The following GLYATL3 variants were observed in gnomAD, a reference collection of about 807,000 sequenced individuals.
The protein encoded by GLYATL3 is glycine N-acyltransferase-like protein 3.
In GLYATL3, 31 loss-of-function variants were observed where a neutral mutation model predicts 28.5. The ratio of observed to expected loss-of-function variants is 1.09; its 90% confidence interval spans 0.82 to 1.47. The LOEUF (loss-of-function observed/expected upper bound fraction) is 1.47. Among genes scored for constraint, GLYATL3 ranks in the 40% most tolerant of loss-of-function variants. GLYATL3 has a pLI of 0.00. For missense variants in GLYATL3, 369 were observed against 351.5 expected (o/e 1.05, Z -0.40); for synonymous variants, 141 against 140.2 (o/e 1.01, Z -0.04).
At chr6:49,518,188 T>C (rs1452127528) in intron 4 of GLYATL3, among the ~76,000 whole-genome samples, 2 of 151,590 alleles carry the variant, frequency 1.3e-5, no homozygotes, top group Non-Finnish European at 2.9e-5. Flanking sequence ...GGCCCTTTTT[T>C]GTTGTTGTTG....
chr6:49,500,678 C>G (rs1222744800), intron 1 of GLYATL3, among the ~76,000 whole-genome samples: 1 of 152,120 alleles, frequency 6.6e-6, no homozygotes, highest in Admixed American at 6.5e-5. Context: ...AACAGTGAGT[C>G]TATTGGTTAT....
At position 49,526,838 on chromosome 6, in the gene GLYATL3, A is replaced by G. The variant is rs920880168; in HGVS notation, c.791A>G (p.His264Arg). The G allele has an allele frequency of 3.9e-6, 6 of 1,551,986 alleles. No individual in the cohort carries two copies. In the African/African-American group the frequency reaches 5.5e-5, roughly 14 times the overall value. The change falls in exon 6 of 6, where the codon CAT becomes CGT. Residue 264 changes from histidine to arginine, a missense_variant. Coordinates refer to ENST00000371197, the MANE Select transcript of GLYATL3 (RefSeq NM_001010904.2). Reference protein sequence around the residue: ...TASISLLKSLHAEFLPCRFHR... With the variant: ...TASISLLKSLRAEFLPCRFHR... The stretch of plus-strand genomic sequence containing the variant: ...TCTATAAGCCTCCTGAAGAGTCTCC[A>G]TGCTGAGTTCTTGCCTTGTCGCTTC...
At chr6:49,521,326 G>T (rs1769312488) in intron 4 of GLYATL3, among the ~76,000 whole-genome samples, 1 of 152,080 alleles carries the variant, frequency 6.6e-6, no homozygotes, top group Non-Finnish European at 1.5e-5. Flanking sequence ...GGAGCTTAAG[G>T]TTAGTCCGAG....
Position 49,527,154 on chromosome 6 carries a change from G to T in GLYATL3, c.*240G>T, listed in dbSNP as rs1182842749. 17 of 480,490 alleles carry T rather than the reference G, an allele frequency of 3.5e-5. No homozygotes were observed. The allele number at this position is 480,490 out of a possible 1,614,324, so 29.8% of individuals were successfully genotyped here. A position where few individuals can be genotyped will look rare whatever the true frequency, so the allele number is the denominator to read the frequency against. Reference sequence around the variant, plus strand: ...GAAGACTGAGGACGATTGTCCTCCTGTAGGATCCACTGTAGGAGAATAGGT... The same window carrying T: ...GAAGACTGAGGACGATTGTCCTCCTTTAGGATCCACTGTAGGAGAATAGGT... On this transcript the variant is annotated 3_prime_UTR_variant, in exon 6 of 6. Transcript: ENST00000371197.
At position 49,512,028 on chromosome 6, in the gene GLYATL3, T is replaced by C. The variant is rs560399915; in HGVS notation, c.38T>C (p.Leu13Pro). 3.9e-4 allele frequency: 580 copies of C among 1,505,906 alleles called. 1 individual carries two copies. The highest frequency in any genetic ancestry group is 4.7e-4 in the Non-Finnish European group (526 of 1,107,730). The allele number at this position is 1,505,906 out of a possible 1,614,324, so 93.3% of individuals were successfully genotyped here. The change falls in exon 2 of 6, where the codon CTG becomes CCG. Residue 13 changes from leucine (L) to proline (P), a missense_variant. Coordinates refer to ENST00000371197, the MANE Select transcript of GLYATL3 (RefSeq NM_001010904.2). ...AACTGTTCTACCAAATTACTGATAC[T>C]GGAGAAAATGTTGAAGAGTTGCTTT... ...VLNCSTKLLILEKMLKSCFPE... is the reference protein window; with the variant it reads ...VLNCSTKLLIPEKMLKSCFPE...
In GLYATL3 at chr6:49,521,625, T is replaced by C; in HGVS notation, c.314-20T>C. 2 of 1,522,806 alleles carry C rather than the reference T, an allele frequency of 1.3e-6. No homozygotes were observed. The highest frequency in any genetic ancestry group is 2.5e-5 in the South Asian group (2 of 80,194). 94.3% of individuals were successfully genotyped at this position (1,522,806 alleles called of 1,614,324 possible). A position where few individuals can be genotyped will look rare whatever the true frequency, so the allele number is the denominator to read the frequency against. On this transcript the variant is annotated intron_variant, in intron 4 of 5. Coordinates refer to ENST00000371197, the MANE Select transcript of GLYATL3 (RefSeq NM_001010904.2). ...TCAACTAAAATGCCCACATATTAAA[T>C]TATGTCTTTCTATACACAGGGCTGC...
chr6:49,510,931 A>C (rs189408240), intron 1 of GLYATL3, among the ~76,000 whole-genome samples: 1 of 152,326 alleles, frequency 6.6e-6, no homozygotes, highest in East Asian at 1.9e-4. Context: ...GATTTTAGGT[A>C]GATTACAATT....
At chr6:49,507,413 T>C (rs761184272) in intron 1 of GLYATL3, among the ~76,000 whole-genome samples, 28 of 152,174 alleles carry the variant, frequency 1.8e-4, no homozygotes, top group Non-Finnish European at 3.7e-4. Flanking sequence ...TTTTCAATAG[T>C]CTGAAATAAA....
chr6:49,509,564 A>G (rs1346227779), intron 1 of GLYATL3, among the ~76,000 whole-genome samples: 2 of 152,224 alleles, frequency 1.3e-5, no homozygotes, highest in Non-Finnish European at 2.9e-5. Context: ...ACTTAGCACT[A>G]AACAGACCAT....
rs183080390 is a variant in GLYATL3, at chr6:49,505,078, T to G, written c.-29+5036T>G. Among the ~76,000 whole-genome samples the G allele has an allele frequency of 2.0e-5, 3 of 152,342 alleles. No individual in the cohort carries two copies. The East Asian group carries it at 5.8e-4, about 29-fold the overall frequency. ...TTTTTTCCAACTGAGAGAATATTTA[T>G]GTTTAAGACCTGAGGCATTAGTATG... On this transcript the variant is annotated intron_variant, in intron 1 of 5. Coordinates refer to ENST00000371197, the MANE Select transcript of GLYATL3 (RefSeq NM_001010904.2).
chr6:49,515,873 A>T, intron 3 of GLYATL3, 113 bp downstream of exon 3: 1 of 585,420 alleles, frequency 1.7e-6, no homozygotes, highest in South Asian at 2.0e-5. Context: ...ACACTGTTTC[A>T]CCATTCATTT....
chr6:49,520,056 G>A (rs1769286187), intron 4 of GLYATL3, among the ~76,000 whole-genome samples: 1 of 152,154 alleles, frequency 6.6e-6, no homozygotes, highest in African/African-American at 2.4e-5. Flanking sequence ...AGAGCAAGAT[G>A]GGAAGTTCCT....
In GLYATL3 at chr6:49,526,522, G is replaced by A; in HGVS notation, c.475G>A (p.Val159Ile). ...TTCCCCACGACTAACCTACCTGAGTGTTGCCAATGCGGATCTACTCAACCG... is the reference window on the plus strand; with the variant it reads ...TTCCCCACGACTAACCTACCTGAGTATTGCCAATGCGGATCTACTCAACCG... Reference protein sequence around the residue: ...GPSPRLTYLSVANADLLNRTW... With the variant: ...GPSPRLTYLSIANADLLNRTW... The change falls in exon 6 of 6, where the codon GTT (valine) becomes ATT (isoleucine). Residue 159 changes from valine to isoleucine, a missense_variant. Coordinates refer to ENST00000371197, the MANE Select transcript of GLYATL3 (RefSeq NM_001010904.2). 1 of 1,551,716 alleles carries A rather than the reference G, an allele frequency of 6.4e-7. No homozygotes were observed. Among genetic ancestry groups the A allele is most frequent in the Non-Finnish European group, 8.7e-7 (1 of 1,146,996 alleles).
intron 1 of GLYATL3, among the ~76,000 whole-genome samples, chr6:49,501,117 A>C (rs993330212): frequency 6.6e-6 from 1 of 152,148 alleles, no homozygotes; most frequent in African/African-American, 2.4e-5. Context: ...AAGAAGCTGG[A>C]GGCCAGGCAG....
intron 1 of GLYATL3, among the ~76,000 whole-genome samples, chr6:49,510,128 C>T (rs748554185): frequency 4.3e-4 from 66 of 151,830 alleles, no homozygotes; most frequent in Non-Finnish European, 7.5e-4. Flanking sequence ...TCGCAACCTC[C>T]GCCTCCCAGG....
At chr6:49,515,955 C>T (rs1048822640) in intron 3 of GLYATL3, among the ~76,000 whole-genome samples, 195 bp downstream of exon 3, 6 of 128,370 alleles carry the variant, frequency 4.7e-5, no homozygotes, top group African/African-American at 1.7e-4. Context: ...CTCCCTCTCT[C>T]TCTCTCTCTC....
intron 5 of GLYATL3, among the ~76,000 whole-genome samples, chr6:49,523,568 G>C (rs148252517): frequency 6.6e-6 from 1 of 152,214 alleles, no homozygotes; most frequent in African/African-American, 2.4e-5. Context: ...CATGTTCTCA[G>C]ACACCAACCA....
chr6:49,526,537 C>G lies in GLYATL3; in HGVS notation c.490C>G (p.Leu164Val), dbSNP rs1769417954. ...CTACCTGAGTGTTGCCAATGCGGAT[C>G]TACTCAACCGGACTTGGTCCCGGGG... is the stretch of plus-strand genomic sequence containing the variant. ...LTYLSVANAD[L>V]LNRTWSRGGN... The change falls in exon 6 of 6, where the codon CTA becomes GTA. Residue 164 changes from leucine (L) to valine (V), a missense_variant. Leu to Val is a conservative substitution (Grantham distance 32). Transcript: ENST00000371197. 6.4e-7 allele frequency: 1 copy of G among 1,551,644 alleles called. No individual in the cohort carries two copies. Among genetic ancestry groups the G allele is most frequent in the Non-Finnish European group, 8.7e-7 (1 of 1,146,990 alleles).
intron 1 of GLYATL3, among the ~76,000 whole-genome samples, chr6:49,508,577 AG>A (rs1306420609): frequency 1.3e-5 from 2 of 152,182 alleles, no homozygotes; most frequent in Non-Finnish European, 2.9e-5. Context: ...ATCCGTTTAT[AG>A]GCTCTCCACA....
Sources: gnomAD v4.1 joint callset for allele counts (sites outside exome capture counted in the v4.1 genomes callset) on GRCh38, gnomAD v4.1.1 for gene constraint, MANE v1.5 for transcripts, NCBI Gene and HGNC (gene_info 2026-07-23, HGNC 2026-07-21) for gene names.